Variants in STIM1 observed in about 807,000 individuals in gnomAD.
STIM1 encodes stromal interaction molecule 1.
STIM1 carries 25 observed loss-of-function variants against 74.7 expected under a neutral mutation model. The observed-to-expected ratio is 0.33, with a 90% confidence interval of 0.24 to 0.47. The LOEUF (loss-of-function observed/expected upper bound fraction) is 0.47, where lower values mean the gene tolerates loss of function less well. Ranked by LOEUF, STIM1 falls within the 20% of genes least tolerant of loss-of-function variation. The probability of loss-of-function intolerance (pLI) is 1.00; values close to 1 mark genes in which losing one functional copy is unlikely to be tolerated. For missense variants in STIM1, 728 were observed against 920.8 expected (o/e 0.79, Z 2.71); for synonymous variants, 328 against 348.8 (o/e 0.94, Z 0.66).
intron 3 of STIM1, among the ~76,000 whole-genome samples, chr11:4,034,870 T>A (rs1302632642): frequency 2.0e-5 from 3 of 152,160 alleles, no homozygotes; most frequent in African/African-American, 7.2e-5. Flanking sequence ...TTTGTCTATT[T>A]CACCTGTGTT....
intron 2 of STIM1, among the ~76,000 whole-genome samples, chr11:4,019,870 G>T (rs190115635): frequency 1.3e-5 from 2 of 152,174 alleles, no homozygotes; most frequent in Admixed American, 1.3e-4. Flanking sequence ...ACCCTACTGT[G>T]CAATGGAACA....
chr11:4,045,186 A>G (rs1590670375), intron 3 of STIM1, among the ~76,000 whole-genome samples: 2 of 152,200 alleles, frequency 1.3e-5, no homozygotes, highest in Admixed American at 1.3e-4. Flanking sequence ...GCAATAAAAA[A>G]GTAGCCTTCT....
intron 1 of STIM1, among the ~76,000 whole-genome samples, chr11:3,952,511 TTTTTTCAGG>T (rs79591720): frequency 0.075 from 11,479 of 152,262 alleles, 774 homozygotes; most frequent in East Asian, 0.18. Flanking sequence ...ACTTGACTGA[TTTTTTCAGG>T]TAAGAACATT....
At chr11:3,925,902 G>T (rs1279154503) in intron 1 of STIM1, among the ~76,000 whole-genome samples, 1 of 151,954 alleles carries the variant, frequency 6.6e-6, no homozygotes, top group African/African-American at 2.4e-5. Context: ...TTAGTTTATT[G>T]TTAATAATAA....
intron 1 of STIM1, among the ~76,000 whole-genome samples, chr11:3,885,097 T>C (rs2091655558): frequency 6.6e-6 from 1 of 152,058 alleles, no homozygotes; most frequent in Admixed American, 6.6e-5. Context: ...GACAACCTTA[T>C]AGATATATTA....
At chr11:4,057,466 G>A (rs1350004216) in intron 4 of STIM1, among the ~76,000 whole-genome samples, 1 of 152,134 alleles carries the variant, frequency 6.6e-6, no homozygotes, top group East Asian at 1.9e-4. Flanking sequence ...TAGCTCACAT[G>A]GTATAATGAG....
intron 1 of STIM1, among the ~76,000 whole-genome samples, chr11:3,957,135 G>T (rs773415136): frequency 3.3e-5 from 5 of 152,122 alleles, no homozygotes; most frequent in Non-Finnish European, 7.3e-5. Flanking sequence ...AATAACTATA[G>T]TTATAAACTG....
intron 5 of STIM1, among the ~76,000 whole-genome samples, chr11:4,061,328 C>G (rs956726890): frequency 1.3e-5 from 2 of 152,112 alleles, no homozygotes; most frequent in African/African-American, 2.4e-5. Flanking sequence ...TTCTCTTAGG[C>G]TTATTGCATG....
At chr11:4,083,079 G>A in intron 9 of STIM1, 97 bp downstream of exon 9, 1 of 1,241,042 alleles carries the variant, frequency 8.1e-7, no homozygotes, top group Non-Finnish European at 1.2e-6. Flanking sequence ...TTCCTCATTG[G>A]TGGAGGGACA....
chr11:3,916,276 C>A (rs1176339979), intron 1 of STIM1, among the ~76,000 whole-genome samples: 1 of 150,328 alleles, frequency 6.7e-6, no homozygotes, highest in African/African-American at 2.5e-5. Context: ...TGTGCCAATC[C>A]AGTCAGTAAT....
chr11:4,043,663 T>C (rs1324977472), intron 3 of STIM1, among the ~76,000 whole-genome samples: 1 of 152,220 alleles, frequency 6.6e-6, no homozygotes, highest in Non-Finnish European at 1.5e-5. Flanking sequence ...TAAACACATA[T>C]ACGTATATTG....
At chr11:3,946,105 A>T in intron 1 of STIM1, among the ~76,000 whole-genome samples, 1 of 152,208 alleles carries the variant, frequency 6.6e-6, no homozygotes. Context: ...GGTAGGGATG[A>T]ATATCCCAAC....
intron 2 of STIM1, among the ~76,000 whole-genome samples, chr11:4,012,040 G>A (rs2093842227): frequency 6.6e-6 from 1 of 152,180 alleles, no homozygotes; most frequent in Admixed American, 6.5e-5. Context: ...TTGTAGATGT[G>A]TGGTGTTATT....
At position 4,086,689 on chromosome 11, in the gene STIM1, TCCATCACCACCATCACCACTA is replaced by T. The variant is rs1565172317; in HGVS notation, c.1634+150_1634+170del. On this transcript the variant is annotated intron_variant, in intron 12 of 12. Transcript: ENST00000526596. ...CTCTGCTGCTGCTTCTTGCTCCTCT[TCCATCACCACCATCACCACTA>T]CCACCACCACCACCACCACCTTCAC... The T allele has an allele frequency of 4.5e-6, 7 of 1,541,082 alleles. No individual in the cohort carries two copies. In the African/African-American group the frequency reaches 8.2e-5, roughly 18 times the overall value.
At chr11:3,909,550 C>T (rs1205863301) in intron 1 of STIM1, among the ~76,000 whole-genome samples, 2 of 152,182 alleles carry the variant, frequency 1.3e-5, no homozygotes, top group East Asian at 1.9e-4. Context: ...TGGGGCTGGG[C>T]GCAGTGGCTC....
At chr11:4,048,752 G>C (rs948402396) in intron 3 of STIM1, among the ~76,000 whole-genome samples, 2 of 146,330 alleles carry the variant, frequency 1.4e-5, no homozygotes, top group South Asian at 4.3e-4. Flanking sequence ...TTTTTTTTTT[G>C]AGACAGAGTC....
chr11:4,038,480 T>G (rs890771681), intron 3 of STIM1, among the ~76,000 whole-genome samples: 5 of 152,202 alleles, frequency 3.3e-5, no homozygotes, highest in Admixed American at 3.3e-4. Flanking sequence ...GCTTAGATTT[T>G]AATCCTTGCA....
intron 12 of STIM1, chr11:4,088,816 C>A: frequency 6.9e-7 from 1 of 1,443,200 alleles, no homozygotes; most frequent in South Asian, 1.2e-5. Context: ...CTCAGTGATT[C>A]AGGGAGGGAA....
chr11:4,047,340 G>T (rs1208160280), intron 3 of STIM1, among the ~76,000 whole-genome samples: 1 of 152,060 alleles, frequency 6.6e-6, no homozygotes, highest in Non-Finnish European at 1.5e-5. Context: ...ATTTGACCAG[G>T]CACAGTAGCT....
Sources: allele counts gnomAD v4.1 joint callset (sites outside exome capture counted in the v4.1 genomes callset), GRCh38; gene constraint gnomAD v4.1.1; transcripts MANE v1.5; gene names NCBI Gene and HGNC (gene_info 2026-07-23, HGNC 2026-07-21).